Variants in PCDH15 observed in about 807,000 individuals in gnomAD.
The protein encoded by PCDH15 is protocadherin related 15, also known as protocadherin-15.
PCDH15 carries 129 observed loss-of-function variants against 178.5 expected under a neutral mutation model. The observed-to-expected ratio is 0.72, with a 90% CI of 0.63 to 0.84. PCDH15 has a LOEUF of 0.84. Ranked by LOEUF, PCDH15 falls within the 40% of genes least tolerant of loss-of-function variation. The probability of loss-of-function intolerance (pLI) is 0.00; values close to 1 mark genes in which losing one functional copy is unlikely to be tolerated. For synonymous variants in PCDH15, 800 were observed against 732.0 expected, an observed-to-expected ratio of 1.09 and a Z score of -1.50; for missense variants, 2,230 against 2,099.9, an observed-to-expected ratio of 1.06 and a Z score of -1.21.
chr10:54,812,103 G>A (rs1056192390), intron 3 of PCDH15, among the ~76,000 whole-genome samples: 2 of 151,942 alleles, frequency 1.3e-5, no homozygotes, highest in Non-Finnish European at 2.9e-5. Context: ...ATGAAAATAT[G>A]AGAATATCAG....
chr10:54,679,542 C>G (rs1049656121), intron 1 of PCDH15, among the ~76,000 whole-genome samples: 2 of 152,172 alleles, frequency 1.3e-5, no homozygotes, highest in Non-Finnish European at 2.9e-5. Flanking sequence ...GTATTAAATA[C>G]AGAGCATAAG....
chr10:54,646,627 G>C (rs548357190), intron 2 of PCDH15, among the ~76,000 whole-genome samples: 1 of 152,142 alleles, frequency 6.6e-6, no homozygotes, highest in Non-Finnish European at 1.5e-5. Context: ...GATAGGGATT[G>C]TATTGGATCA....
At chr10:54,886,718 C>T (rs1482975979) in intron 3 of PCDH15, among the ~76,000 whole-genome samples, 7 of 152,168 alleles carry the variant, frequency 4.6e-5, no homozygotes, top group South Asian at 2.1e-4. Context: ...GTGGAGAAGG[C>T]GCCAGCCTAG....
At chr10:54,979,668 C>CAAA (rs57794335) in intron 2 of PCDH15, among the ~76,000 whole-genome samples, 8 of 108,614 alleles carry the variant, frequency 7.4e-5, no homozygotes, top group South Asian at 2.8e-4. Flanking sequence ...GACTGTGTCT[C>CAAA]AAAAAAAAAA....
intron 2 of PCDH15, among the ~76,000 whole-genome samples, chr10:55,492,971 A>C (rs924188483): frequency 2.2e-4 from 34 of 151,770 alleles, no homozygotes; most frequent in African/African-American, 8.2e-4. Context: ...AGGTGGCTGA[A>C]GAAATAATCA....
intron 32 of PCDH15, among the ~76,000 whole-genome samples, chr10:53,824,744 T>TTTGA (rs533861246): frequency 9.2e-5 from 14 of 152,240 alleles, no homozygotes; most frequent in African/African-American, 2.9e-4. Context: ...TTGTTCGTGG[T>TTTGA]TTGATTTCTC....
chr10:55,180,936 CAGAG>C (rs1307259440), intron 1 of PCDH15, among the ~76,000 whole-genome samples: 1 of 151,240 alleles, frequency 6.6e-6, no homozygotes, highest in Non-Finnish European at 1.5e-5. Context: ...GGGGAAAACT[CAGAG>C]AAAAAAAACA....
At chr10:55,334,242 A>ATATATATATGTGTG (rs1291195941) in intron 2 of PCDH15, among the ~76,000 whole-genome samples, 2 of 72,138 alleles carry the variant, frequency 2.8e-5, no homozygotes, top group Non-Finnish European at 4.4e-5. Flanking sequence ...ATATATATAT[A>ATATATATATGTGTG]TGTGTGTGTG....
intron 2 of PCDH15, among the ~76,000 whole-genome samples, chr10:55,381,439 A>G (rs1206464914): frequency 6.6e-6 from 1 of 152,162 alleles, no homozygotes; most frequent in Non-Finnish European, 1.5e-5. Flanking sequence ...TTTAAAGAGA[A>G]AAATGATTAG....
chr10:54,920,298 G>A (rs1242997406), intron 2 of PCDH15, among the ~76,000 whole-genome samples: 1 of 151,730 alleles, frequency 6.6e-6, no homozygotes, highest in Non-Finnish European at 1.5e-5. Context: ...GTGAAACCCC[G>A]TCTCTACTAA....
intron 20 of PCDH15, among the ~76,000 whole-genome samples, chr10:54,006,987 T>C (rs2092407712): frequency 6.6e-6 from 1 of 152,196 alleles, no homozygotes; most frequent in African/African-American, 2.4e-5. Flanking sequence ...AGCCATTCTA[T>C]CCAAAATTAT....
chr10:55,300,941 C>G (rs1231878452), intron 1 of PCDH15, among the ~76,000 whole-genome samples: 1 of 152,154 alleles, frequency 6.6e-6, no homozygotes, highest in Non-Finnish European at 1.5e-5. Context: ...ACAAATATCT[C>G]TCATGGTGCC....
intron 2 of PCDH15, among the ~76,000 whole-genome samples, chr10:55,157,101 T>C (rs1334384223): frequency 2.0e-5 from 3 of 146,898 alleles, no homozygotes; most frequent in East Asian, 4.0e-4. Context: ...TCTTAACACA[T>C]ATGTGAAGGC....
At chr10:55,465,600 T>C (rs1839815241) in intron 2 of PCDH15, among the ~76,000 whole-genome samples, 1 of 151,956 alleles carries the variant, frequency 6.6e-6, no homozygotes. Flanking sequence ...TGTCTAGAAA[T>C]AATTAGGAGA....
chr10:54,776,903 A>G (rs1052719406), intron 1 of PCDH15, among the ~76,000 whole-genome samples: 9 of 152,194 alleles, frequency 5.9e-5, no homozygotes, highest in Non-Finnish European at 1.2e-4. Flanking sequence ...ATGCAGAGTT[A>G]AGAGGAGGTT....
intron 2 of PCDH15, among the ~76,000 whole-genome samples, chr10:54,985,063 A>G (rs1839329572): frequency 6.6e-6 from 1 of 152,108 alleles, no homozygotes; most frequent in African/African-American, 2.4e-5. Context: ...CCAACATTAT[A>G]TGACCTATAT....
intron 1 of PCDH15, among the ~76,000 whole-genome samples, chr10:54,702,114 C>T (rs185301775): frequency 2.0e-5 from 3 of 152,090 alleles, no homozygotes; most frequent in African/African-American, 7.2e-5. Flanking sequence ...CACTGTCAGA[C>T]CACAGCACAA....
At chr10:55,122,605 G>T (rs1308218050) in intron 2 of PCDH15, among the ~76,000 whole-genome samples, 1 of 152,068 alleles carries the variant, frequency 6.6e-6, no homozygotes, top group East Asian at 1.9e-4. Context: ...ATTTATCATC[G>T]ACTGGAATGC....
intron 2 of PCDH15, among the ~76,000 whole-genome samples, chr10:54,936,290 A>G (rs1244836975): frequency 6.6e-6 from 1 of 152,080 alleles, no homozygotes; most frequent in Non-Finnish European, 1.5e-5. Context: ...TAGTTGATGA[A>G]CATTTGGCTT....
Sources: allele counts gnomAD v4.1 joint callset (sites outside exome capture counted in the v4.1 genomes callset), GRCh38; gene constraint gnomAD v4.1.1; transcripts MANE v1.5; gene names NCBI Gene and HGNC (gene_info 2026-07-23, HGNC 2026-07-21).